Variants in GRIK4 observed in about 807,000 individuals in gnomAD.
The protein encoded by GRIK4 is glutamate receptor ionotropic, kainate 4.
Under a neutral mutation model 104.9 loss-of-function variants are expected in GRIK4, and 40 were observed. The observed-to-expected ratio is 0.38, with a 90% confidence interval of 0.30 to 0.50. The LOEUF (loss-of-function observed/expected upper bound fraction) is 0.50. Ranked by LOEUF, GRIK4 falls within the 20% of genes least tolerant of loss-of-function variation. The pLI is 0.93. For synonymous variants in GRIK4, 485 were observed against 524.9 expected (o/e 0.92, Z 1.04); for missense variants, 1,047 against 1,308.1 (o/e 0.80, Z 3.08).
At chr11:120,767,073 G>A (rs1951852818) in intron 3 of GRIK4, among the ~76,000 whole-genome samples, 1 of 151,990 alleles carries the variant, frequency 6.6e-6, no homozygotes, top group Non-Finnish European at 1.5e-5. Context: ...CCCAGAGGAG[G>A]GATTGTTGAG....
chr11:120,855,510 A>G (rs897773260), intron 8 of GRIK4, among the ~76,000 whole-genome samples: 1 of 151,636 alleles, frequency 6.6e-6, no homozygotes, highest in Non-Finnish European at 1.5e-5. Context: ...CTTCAACTAA[A>G]GGCTTCTCTC....
chr11:120,958,119 G>A (rs1427356633), intron 16 of GRIK4, among the ~76,000 whole-genome samples: 1 of 152,202 alleles, frequency 6.6e-6, no homozygotes, highest in Admixed American at 6.5e-5. Context: ...AGGAGCATCG[G>A]GGGATGTCGA....
At chr11:120,878,117 C>A (rs1954867751) in intron 11 of GRIK4, among the ~76,000 whole-genome samples, 1 of 152,188 alleles carries the variant, frequency 6.6e-6, no homozygotes, top group Non-Finnish European at 1.5e-5. Flanking sequence ...AGCCCCCAAC[C>A]CAGGCCAGCA....
At chr11:120,961,251 G>A (rs1944281400) in intron 17 of GRIK4, among the ~76,000 whole-genome samples, 177 bp downstream of exon 17, 1 of 152,204 alleles carries the variant, frequency 6.6e-6, no homozygotes, top group South Asian at 2.1e-4. Flanking sequence ...CTGGAATGAG[G>A]TCCCAAAAGA....
At chr11:120,721,848 C>A (rs1184108753) in intron 3 of GRIK4, among the ~76,000 whole-genome samples, 1 of 152,140 alleles carries the variant, frequency 6.6e-6, no homozygotes, top group Non-Finnish European at 1.5e-5. Context: ...GATGTCGAAG[C>A]ATCAAAATAC....
At chr11:120,562,252 T>G (rs1203896195) in intron 1 of GRIK4, among the ~76,000 whole-genome samples, 1 of 152,240 alleles carries the variant, frequency 6.6e-6, no homozygotes, top group Non-Finnish European at 1.5e-5. Flanking sequence ...AGAATCAAAC[T>G]GACATTTCAC....
At chr11:120,575,166 C>T (rs1948463763) in intron 1 of GRIK4, among the ~76,000 whole-genome samples, 1 of 152,132 alleles carries the variant, frequency 6.6e-6, no homozygotes, top group Non-Finnish European at 1.5e-5. Flanking sequence ...TTCAGTTATG[C>T]ACGTTCATGC....
intron 9 of GRIK4, 114 bp downstream of exon 9, chr11:120,862,234 TC>T: frequency 2.3e-6 from 2 of 887,782 alleles, no homozygotes; most frequent in Non-Finnish European, 3.5e-6. Flanking sequence ...CCTGCTCCAG[TC>T]CCAGCTCAGA....
At chr11:120,747,423 G>C (rs1157924446) in intron 3 of GRIK4, among the ~76,000 whole-genome samples, 4 of 152,170 alleles carry the variant, frequency 2.6e-5, no homozygotes, top group Admixed American at 1.3e-4. Flanking sequence ...GACAAACCGA[G>C]TCAGTGTTAG....
intron 14 of GRIK4, among the ~76,000 whole-genome samples, chr11:120,947,335 G>C (rs1404745680): frequency 1.3e-5 from 2 of 151,694 alleles, no homozygotes; most frequent in Non-Finnish European, 2.9e-5. Context: ...CCGGGAGGTG[G>C]AGGTTGTAGT....
At chr11:120,928,208 C>T (rs1321685517) in intron 13 of GRIK4, among the ~76,000 whole-genome samples, 19 of 88,126 alleles carry the variant, frequency 2.2e-4, no homozygotes, top group Admixed American at 1.8e-3. Context: ...AGCAAGACTC[C>T]GTCTTAAAAA....
chr11:120,557,910 C>T (rs575318573), intron 1 of GRIK4, among the ~76,000 whole-genome samples: 13 of 147,504 alleles, frequency 8.8e-5, no homozygotes, highest in South Asian at 2.2e-4. Context: ...CCCAGCTACT[C>T]GGGAGGCTGA....
chr11:120,785,061 T>C (rs1248448883), intron 3 of GRIK4, among the ~76,000 whole-genome samples: 1 of 152,118 alleles, frequency 6.6e-6, no homozygotes, highest in African/African-American at 2.4e-5. Flanking sequence ...GCAGCCCCCA[T>C]CACTCCCGTC....
chr11:120,583,646 G>A (rs1396960244), intron 1 of GRIK4, among the ~76,000 whole-genome samples: 1 of 152,098 alleles, frequency 6.6e-6, no homozygotes, highest in African/African-American at 2.4e-5. Context: ...TCAGGTAACA[G>A]GATGCCTCCA....
chr11:120,738,660 G>A (rs1951270347), intron 3 of GRIK4, among the ~76,000 whole-genome samples: 1 of 152,230 alleles, frequency 6.6e-6, no homozygotes, highest in African/African-American at 2.4e-5. Flanking sequence ...AGCAGGGCCT[G>A]AAGGGCAGGA....
At chr11:120,802,346 T>G (rs576892982) in intron 3 of GRIK4, among the ~76,000 whole-genome samples, 1 of 152,302 alleles carries the variant, frequency 6.6e-6, no homozygotes, top group African/African-American at 2.4e-5. Context: ...CCGCCTCACT[T>G]TGCACAATGC....
At chr11:120,843,960 AACCCCTCCAT>A (rs1214326652) in intron 8 of GRIK4, among the ~76,000 whole-genome samples, 4 of 152,132 alleles carry the variant, frequency 2.6e-5, no homozygotes, top group Non-Finnish European at 4.4e-5. Flanking sequence ...CTGCAGAAAT[AACCCCTCCAT>A]GCCCCAGTCT....
At chr11:120,724,090 GCGT>G (rs1565315717) in intron 3 of GRIK4, among the ~76,000 whole-genome samples, 2 of 152,150 alleles carry the variant, frequency 1.3e-5, no homozygotes, top group African/African-American at 4.8e-5. Flanking sequence ...CTTTCAGTTA[GCGT>G]AATGCATTTT....
intron 11 of GRIK4, among the ~76,000 whole-genome samples, chr11:120,876,242 C>A (rs1479190686): frequency 7.1e-6 from 1 of 141,720 alleles, no homozygotes; most frequent in Non-Finnish European, 1.5e-5. Context: ...ATTACTACCA[C>A]CACCACCACC....
Sources: allele counts gnomAD v4.1 joint callset (sites outside exome capture counted in the v4.1 genomes callset), GRCh38; gene constraint gnomAD v4.1.1; transcripts MANE v1.5; gene names NCBI Gene and HGNC (gene_info 2026-07-23, HGNC 2026-07-21).